Variants in MYPN observed in about 807,000 individuals in gnomAD.
MYPN encodes the protein myopalladin.
A neutral mutation model predicts 129.4 loss-of-function variants in MYPN; 63 were observed. That is an observed-to-expected ratio of 0.49 (90% CI 0.40 to 0.60). MYPN has a LOEUF of 0.60. MYPN is among the 20% of genes least tolerant of loss of function. The pLI is 0.00. For synonymous variants in MYPN, 629 were observed against 600.9 expected (o/e 1.05, Z -0.68); for missense variants, 1,596 against 1,635.4 (o/e 0.98, Z 0.42).
chr10:68,195,374 G>C, intron 14 of MYPN, 76 bp from the exon 15 acceptor site: 1 of 1,402,844 alleles, frequency 7.1e-7, no homozygotes, highest in Non-Finnish European at 1.0e-6. Flanking sequence ...CGGTGTTCTG[G>C]TCCAGAAATT....
chr10:68,163,156 A>T (rs1231181746), intron 8 of MYPN, among the ~76,000 whole-genome samples: 1 of 152,114 alleles, frequency 6.6e-6, no homozygotes, highest in Non-Finnish European at 1.5e-5. Flanking sequence ...TTAGCCAGGC[A>T]TAGTGGTGCA....
intron 12 of MYPN, 138 bp downstream of exon 12, chr10:68,175,599 A>G (rs2043216058): frequency 2.1e-6 from 2 of 942,336 alleles, no homozygotes; most frequent in South Asian, 2.8e-5. Flanking sequence ...AGACTAACCA[A>G]AGGTCATGTG....
intron 2 of MYPN, among the ~76,000 whole-genome samples, chr10:68,138,254 C>T (rs576794629): frequency 1.3e-5 from 2 of 151,864 alleles, no homozygotes; most frequent in South Asian, 4.2e-4. Flanking sequence ...AGGTGTGCAT[C>T]ACCATGCCCA....
rs1004149708 is a variant in MYPN at position 68,167,535 on chromosome 10, G to A, written c.1973+869G>A. Among the ~76,000 whole-genome samples the A allele has an allele frequency of 3.9e-5, 6 of 152,176 alleles. No individual in the cohort carries two copies. In the East Asian group the frequency reaches 7.7e-4, roughly 20 times the overall value. ...GTCCATCCATAACAAAGCAAATAAAGGGCATGATATTGCTATTATTTCCTG... is the reference window on the plus strand; with the variant it reads ...GTCCATCCATAACAAAGCAAATAAAAGGCATGATATTGCTATTATTTCCTG... On this transcript the variant is annotated intron_variant, in intron 10 of 19. Transcript: ENST00000358913.
intron 1 of MYPN, among the ~76,000 whole-genome samples, chr10:68,112,214 C>T (rs936367526): frequency 2.0e-5 from 3 of 152,076 alleles, no homozygotes; most frequent in Non-Finnish European, 2.9e-5. Context: ...TCTTGATTGC[C>T]TTCCATGAGA....
At chr10:68,116,938 G>A (rs1464772302) in intron 1 of MYPN, among the ~76,000 whole-genome samples, 1 of 151,960 alleles carries the variant, frequency 6.6e-6, no homozygotes, top group African/African-American at 2.4e-5. Flanking sequence ...GTGAAAGATA[G>A]GCCGGACATG....
chr10:68,091,765 T>G (rs1564635499), intron 1 of MYPN, among the ~76,000 whole-genome samples: 1 of 151,870 alleles, frequency 6.6e-6, no homozygotes, highest in South Asian at 2.1e-4. Flanking sequence ...GGCATTCTGG[T>G]TTTTTGATGT....
chr10:68,192,982 A>G (rs1188767900), intron 13 of MYPN, among the ~76,000 whole-genome samples: 2 of 151,450 alleles, frequency 1.3e-5, no homozygotes, highest in African/African-American at 4.9e-5. Flanking sequence ...CATCTCTTGT[A>G]TTTTTGGTCT....
intron 2 of MYPN, among the ~76,000 whole-genome samples, chr10:68,132,140 A>G (rs1289367203): frequency 6.6e-6 from 1 of 152,136 alleles, no homozygotes; most frequent in Non-Finnish European, 1.5e-5. Context: ...ATAATAACAT[A>G]TTATGTAGGA....
chr10:68,201,712 C>T (rs978790705), intron 17 of MYPN, 117 bp from the exon 18 acceptor site: 18 of 1,113,648 alleles, frequency 1.6e-5, no homozygotes, highest in African/African-American at 3.2e-5. Flanking sequence ...GGGGTGCAGG[C>T]AGAGGTTGCA....
chr10:68,147,928 T>C (rs2134087432), intron 4 of MYPN, among the ~76,000 whole-genome samples: 1 of 152,326 alleles, frequency 6.6e-6, no homozygotes, highest in East Asian at 1.9e-4. Flanking sequence ...AAGTTTTATA[T>C]ATGAGAGACC....
intron 19 of MYPN, 51 bp from the exon 20 acceptor site, chr10:68,210,234 AT>A (rs948459961): frequency 9.4e-6 from 15 of 1,600,726 alleles, no homozygotes; most frequent in Middle Eastern, 4.5e-4. Flanking sequence ...TGCAGCGTAC[AT>A]GCTGGACTGC....
chr10:68,113,157 T>G (rs2042104612), intron 1 of MYPN, among the ~76,000 whole-genome samples: 1 of 152,234 alleles, frequency 6.6e-6, no homozygotes, highest in African/African-American at 2.4e-5. Context: ...TGCATAGTGC[T>G]CTACAGTTTT....
At chr10:68,149,973 G>A (rs946226659) in intron 5 of MYPN, 67 bp from the exon 6 acceptor site, 2 of 1,413,942 alleles carry the variant, frequency 1.4e-6, no homozygotes, top group African/African-American at 1.4e-5. Flanking sequence ...CTATAGGTTT[G>A]TTATGTCTCA....
chr10:68,094,696 C>G (rs1460210801), intron 1 of MYPN, among the ~76,000 whole-genome samples: 1 of 152,132 alleles, frequency 6.6e-6, no homozygotes, highest in Non-Finnish European at 1.5e-5. Context: ...TCCTCTGAAA[C>G]AATGTCACTG....
upstream of MYPN, chr10:68,109,339 A>G (rs773125757): frequency 3.9e-5 from 12 of 310,940 alleles, no homozygotes; most frequent in Non-Finnish European, 6.4e-5. Flanking sequence ...GCTATAAGGG[A>G]AATTCTATAG....
Position 68,210,270 on chromosome 10 carries a change from T to C in MYPN, c.3794-16T>C, listed in dbSNP as rs2043887645. 1 of 1,612,634 alleles carries C rather than the reference T, an allele frequency of 6.2e-7. No homozygotes were observed. Among genetic ancestry groups the C allele is most frequent in the African/African-American group, 1.3e-5 (1 of 74,886 alleles). ...CATTCCTTTGATCATAACACATTAT[T>C]TGGTCCATTTTCCAGCTCAGTGGCA... On this transcript the variant is annotated splice_polypyrimidine_tract_variant and intron_variant, in intron 19 of 19. Coordinates refer to ENST00000358913, the MANE Select transcript of MYPN (RefSeq NM_032578.4).
At chr10:68,141,049 A>G (rs1459005130) in intron 2 of MYPN, among the ~76,000 whole-genome samples, 1 of 151,812 alleles carries the variant, frequency 6.6e-6, no homozygotes, top group African/African-American at 2.4e-5. Flanking sequence ...CTCCAGGGCA[A>G]CAGAGTGAGA....
chr10:68,175,985 C>T (rs1325553743), intron 12 of MYPN, among the ~76,000 whole-genome samples: 1 of 152,104 alleles, frequency 6.6e-6, no homozygotes. Context: ...TCAAGCAATC[C>T]TCCTGCCTCA....
Sources: allele counts gnomAD v4.1 joint callset (sites outside exome capture counted in the v4.1 genomes callset), GRCh38; gene constraint gnomAD v4.1.1; transcripts MANE v1.5; gene names NCBI Gene and HGNC (gene_info 2026-07-23, HGNC 2026-07-21).